Variants in DICER1 observed in about 807,000 individuals in gnomAD.
DICER1 encodes endoribonuclease Dicer.
In DICER1, 43 loss-of-function variants were observed where a neutral mutation model predicts 194.1. That is an observed-to-expected ratio of 0.22 (90% CI 0.17 to 0.29). The LOEUF (loss-of-function observed/expected upper bound fraction) is 0.29. Among genes scored for constraint, DICER1 ranks in the 10% least tolerant of loss-of-function variants. The probability of loss-of-function intolerance (pLI) is 1.00; values close to 1 mark genes in which losing one functional copy is unlikely to be tolerated. For synonymous variants in DICER1, 832 were observed against 820.5 expected, an observed-to-expected ratio of 1.01 and a Z score of -0.24; for missense variants, 1,608 against 2,317.0, an observed-to-expected ratio of 0.69 and a Z score of 6.28.
Position 95,145,584 on chromosome 14 carries a change from A to C in DICER1, c.-46+11646T>G, listed in dbSNP as rs145934622. Among the ~76,000 whole-genome samples, 828 of 152,308 alleles carry C rather than the reference A, an allele frequency of 5.4e-3. 8 individuals carry two copies. The highest frequency in any genetic ancestry group is 0.019 in the African/African-American group (797 of 41,562). On this transcript the variant is annotated intron_variant, in intron 1 of 26. Transcript: ENST00000343455. ...ATATCCAACATATCCACAGTATATA[A>C]AACAAGTATTTCAAGGATTTATCAA... is the stretch of plus-strand genomic sequence containing the variant.
chr14:95,090,075 C>G lies in DICER1; in HGVS notation c.*423G>C, dbSNP rs1595308480. ...CTACTGCAGGACTGGCACTACTGCA[C>G]ACACGGAGAGATGGAGAAGAATCTA... On this transcript the variant is annotated 3_prime_UTR_variant, in exon 27 of 27. Coordinates refer to ENST00000343455, the MANE Select transcript of DICER1 (RefSeq NM_177438.3). The G allele has an allele frequency of 1.7e-5, 6 of 356,168 alleles. No homozygotes were observed. The East Asian group carries it at 2.9e-4, about 17-fold the overall frequency. The allele number at this position is 356,168 out of a possible 1,614,324, so 22.1% of individuals were successfully genotyped here.
At chr14:95,114,503 G>C (rs773413074) in intron 11 of DICER1, among the ~76,000 whole-genome samples, 5 of 152,118 alleles carry the variant, frequency 3.3e-5, no homozygotes, top group African/African-American at 1.2e-4. Flanking sequence ...AATAAATACA[G>C]AAATAATGGA....
chr14:95,099,278 G>C (rs1018931558), intron 22 of DICER1, among the ~76,000 whole-genome samples: 11 of 151,774 alleles, frequency 7.2e-5, no homozygotes, highest in African/African-American at 2.4e-4. Context: ...ATTATTTCCA[G>C]AAAATAACAA....
intron 21 of DICER1, 41 bp downstream of exon 21, chr14:95,103,305 C>T: frequency 6.3e-7 from 1 of 1,596,224 alleles, no homozygotes; most frequent in Non-Finnish European, 8.6e-7. Context: ...TTCAGGCACA[C>T]TGAATAATTA....
In DICER1 at chr14:95,117,721, C is replaced by G. The variant is rs774271782; in HGVS notation, c.1410G>C (p.Glu470Asp). 5.0e-6 allele frequency: 8 copies of G among 1,613,840 alleles called. No homozygotes were observed. The African/African-American group carries it at 9.3e-5, about 19-fold the overall frequency. ...TGAAATTGCTACTGATATAAGCCAG[C>G]TCTGGATCTTGTTTGCCAGCTTCCT... ...LIKEAGKQDPELAYISSNFIT... is the reference protein window; with the variant it reads ...LIKEAGKQDPDLAYISSNFIT... The change falls in exon 9 of 27, where the codon GAG becomes GAC. Residue 470 changes from glutamate (E) to aspartate (D), a missense_variant. Transcript: ENST00000343455.
At chr14:95,154,739 G>A (rs1032529532) in intron 1 of DICER1, among the ~76,000 whole-genome samples, 10 of 152,110 alleles carry the variant, frequency 6.6e-5, no homozygotes, top group Admixed American at 3.3e-4. Context: ...GACAGTTTGA[G>A]TTGGGAAAGA....
chr14:95,141,977 C>T (rs1894851138), intron 1 of DICER1, among the ~76,000 whole-genome samples: 2 of 152,194 alleles, frequency 1.3e-5, no homozygotes, highest in Admixed American at 1.3e-4. Context: ...TAACTCTTGG[C>T]ATTAAATTAC....
At position 95,094,077 on chromosome 14, in the gene DICER1, C is replaced by A. The variant is rs763781952; in HGVS notation, c.5175G>T (p.Arg1725=). The change falls in exon 24 of 27, where the codon CGG becomes CGT. Residue 1725 remains arginine, a synonymous_variant. Transcript: ENST00000343455. ...LITKHLYEDP[R]QHSPGVLTDL... is the part of the protein sequence containing the mutation. ...CTGTCAGGACCCCCGGGGAGTGCTG[C>A]CGCGGGTCTTCATAAAGGTGCTTGG... is the stretch of plus-strand genomic sequence containing the variant. 4 of 1,614,102 alleles carry A rather than the reference C, an allele frequency of 2.5e-6. No homozygotes were observed. The South Asian group carries it at 4.4e-5, about 18-fold the overall frequency.
At position 95,118,633 on chromosome 14, in the gene DICER1, A is replaced by G. The variant is rs577492722; in HGVS notation, c.1377-879T>C. 3.9e-5 allele frequency among the ~76,000 whole-genome samples: 6 copies of G among 152,340 alleles called. No individual in the cohort carries two copies. In the South Asian group the frequency reaches 1.0e-3, roughly 26 times the overall value. On this transcript the variant is annotated intron_variant, in intron 8 of 26. Coordinates refer to ENST00000343455, the MANE Select transcript of DICER1 (RefSeq NM_177438.3). ...ACACGGGTGCAGAAGGTTAACAGTT[A>G]GTGCTGCCATTACAGCTATTTTGGA...
rs1555372586 is a variant in DICER1, at chr14:95,115,747, GTCA to G, written c.1824_1826del (p.Asp609del). ...GCCTCAACACATATGGTGGGAAAAC[GTCA>G]TCATCATCCATGACAGGATCAATGT... On this transcript the variant is annotated inframe_deletion, in exon 11 of 27. Coordinates refer to ENST00000343455, the MANE Select transcript of DICER1 (RefSeq NM_177438.3). The G allele has an allele frequency of 6.2e-7, 1 of 1,614,060 alleles. No homozygotes were observed.
chr14:95,154,070 T>C (rs548693492), intron 1 of DICER1, among the ~76,000 whole-genome samples: 2 of 152,352 alleles, frequency 1.3e-5, no homozygotes, highest in South Asian at 2.1e-4. Flanking sequence ...TTTCTCTTTA[T>C]ACAAATTAAA....
chr14:95,152,935 G>A (rs1291877954), intron 1 of DICER1, among the ~76,000 whole-genome samples: 4 of 151,378 alleles, frequency 2.6e-5, no homozygotes, highest in Non-Finnish European at 4.4e-5. Flanking sequence ...TGGGTGAGAG[G>A]GCTGGGCACG....
At chr14:95,120,773 A>G (rs1423112135) in intron 8 of DICER1, among the ~76,000 whole-genome samples, 1 of 152,222 alleles carries the variant, frequency 6.6e-6, no homozygotes, top group Non-Finnish European at 1.5e-5. Flanking sequence ...ATTAATAAAT[A>G]TAAGTAGACA....
intron 1 of DICER1, among the ~76,000 whole-genome samples, chr14:95,155,569 A>G (rs1895796345): frequency 7.1e-6 from 1 of 140,390 alleles, no homozygotes; most frequent in African/African-American, 3.0e-5. Context: ...CAACTCACAC[A>G]TTGAGCCACG....
rs530896743 is a variant in DICER1, at chr14:95,096,519, G to A, written c.4401C>T (p.Ile1467=). ...LMGSGAFVKK[I]SLSPFSTTDS... ...CAGTGGTTGAAAAAGGAGAAAGAGA[G>A]ATTTTCTTTACAAAAGCTCCTGACC... Residue 1467 remains isoleucine, a synonymous_variant, in exon 23 of 27, where the codon ATC becomes ATT. Coordinates refer to ENST00000343455, the MANE Select transcript of DICER1 (RefSeq NM_177438.3). 8.1e-6 allele frequency: 13 copies of A among 1,614,028 alleles called. 1 individual carries two copies. The highest frequency in any genetic ancestry group is 3.3e-4 in the Middle Eastern group (2 of 6,062).
intron 24 of DICER1, among the ~76,000 whole-genome samples, chr14:95,093,196 A>G (rs1007379806): frequency 1.3e-5 from 2 of 152,256 alleles, no homozygotes; most frequent in African/African-American, 4.8e-5. Flanking sequence ...CAAAAATAAG[A>G]AAATCAAAGG....
At chr14:95,126,124 ATGC>A (rs1893438311) in intron 7 of DICER1, among the ~76,000 whole-genome samples, 1 of 152,338 alleles carries the variant, frequency 6.6e-6, no homozygotes, top group East Asian at 1.9e-4. Context: ...CCCCACCCAG[ATGC>A]TGCTGATGAT....
At chr14:95,090,844 C>CT in intron 26 of DICER1, 181 bp from the exon 27 acceptor site, 1 of 944,966 alleles carries the variant, frequency 1.1e-6, no homozygotes, top group Non-Finnish European at 1.6e-6. Flanking sequence ...GCCGTCTAGT[C>CT]TTTATTACAG....
chr14:95,105,949 T>C lies in DICER1; in HGVS notation c.2987+92A>G. 3 of 1,463,772 alleles carry C rather than the reference T, an allele frequency of 2.0e-6. No individual in the cohort carries two copies. Among genetic ancestry groups the C allele is most frequent in the South Asian group, 2.3e-5 (2 of 87,336 alleles). The allele number at this position is 1,463,772 out of a possible 1,614,324, so 90.7% of individuals were successfully genotyped here. ...CTCCTGATTTCAGATAGTCCACGGG[T>C]GGGCAGGGGGACAGTGAACCTCTGC... On this transcript the variant is annotated intron_variant, in intron 18 of 26. Transcript: ENST00000343455. This position sits in a 1 kb window ranked among gnomAD's most constrained non-coding sequence, Gnocchi z 4.9.
Sources: allele counts gnomAD v4.1 joint callset (sites outside exome capture counted in the v4.1 genomes callset), GRCh38; gene constraint gnomAD v4.1.1; non-coding constraint Gnocchi (gnomAD v3.1); transcripts MANE v1.5; gene names NCBI Gene and HGNC (gene_info 2026-07-23, HGNC 2026-07-21).